MACF1: variants seen among roughly 807,000 people sequenced by gnomAD.
MACF1 encodes microtubule actin crosslinking factor 1.
A neutral mutation model predicts 854.8 loss-of-function variants in MACF1; 193 were observed. The ratio of observed to expected loss-of-function variants is 0.23; its 90% CI spans 0.20 to 0.25. The LOEUF is 0.25. Among genes scored for constraint, MACF1 ranks in the 10% least tolerant of loss-of-function variants. MACF1 has a pLI of 1.00. For missense variants in MACF1, 7,722 were observed against 8,929.1 expected (o/e 0.86, Z 5.45); for synonymous variants, 3,185 against 3,226.7 (o/e 0.99, Z 0.44).
Position 39,381,942 on chromosome 1 carries a change from C to G in MACF1, c.13649-11C>G, listed in dbSNP as rs771991699. 3 of 1,607,172 alleles carry G rather than the reference C, an allele frequency of 1.9e-6. No homozygotes were observed. Among genetic ancestry groups the G allele is most frequent in the South Asian group, 2.2e-5 (2 of 90,934 alleles). ...TGTAAAGGAATACATTCCCTCATTT[C>G]CTCTCTACAGATTCCCGATGGGAAA... On this transcript the variant is annotated splice_polypyrimidine_tract_variant and intron_variant, in intron 55 of 100. Coordinates refer to ENST00000564288, the MANE Select transcript of MACF1 (RefSeq NM_001394062.1).
At chr1:39,440,640 T>G (rs1045375661) in intron 72 of MACF1, among the ~76,000 whole-genome samples, 1 of 152,200 alleles carries the variant, frequency 6.6e-6, no homozygotes, top group African/African-American at 2.4e-5. Flanking sequence ...TATACTCTAT[T>G]GTCAGCACTT....
chr1:39,148,227 G>A (rs1422429118), intron 2 of MACF1, among the ~76,000 whole-genome samples: 2 of 152,144 alleles, frequency 1.3e-5, no homozygotes, highest in African/African-American at 2.4e-5. Context: ...ACTGCAGGCT[G>A]TACTTTCTTC....
At position 39,173,488 on chromosome 1, in the gene MACF1, A is replaced by G. The variant is rs139585616; in HGVS notation, c.221-57694A>G. Among the ~76,000 whole-genome samples, 520 of 152,358 alleles carry G rather than the reference A, an allele frequency of 3.4e-3. 1 individual carries two copies. Among genetic ancestry groups the G allele is most frequent in the Middle Eastern group, 6.8e-3 (2 of 294 alleles). On this transcript the variant is annotated intron_variant, in intron 2 of 93. Transcript: ENST00000361689. ...AGTTCAGGGTTTAGGCCTGATTTCT[A>G]TCCTCTTCCACCTACCACTTGTTGC...
chr1:39,465,372 G>T (rs1156396801), intron 95 of MACF1, among the ~76,000 whole-genome samples: 1 of 152,208 alleles, frequency 6.6e-6, no homozygotes, highest in African/African-American at 2.4e-5. Flanking sequence ...ACACTTCTAA[G>T]AAGAGCCTGG....
intron 2 of MACF1, among the ~76,000 whole-genome samples, chr1:39,152,805 A>G (rs1643609752): frequency 6.6e-6 from 1 of 152,132 alleles, no homozygotes; most frequent in South Asian, 2.1e-4. Flanking sequence ...ACTCAAAAGC[A>G]ACAAAAGAAT....
intron 54 of MACF1, among the ~76,000 whole-genome samples, chr1:39,379,778 T>C (rs1366671190): frequency 6.6e-6 from 1 of 152,234 alleles, no homozygotes; most frequent in Non-Finnish European, 1.5e-5. Flanking sequence ...TATCAAAGTA[T>C]CTTTCCAATT....
intron 58 of MACF1, among the ~76,000 whole-genome samples, chr1:39,417,818 TC>T (rs1557643563): frequency 7.0e-6 from 1 of 143,604 alleles, no homozygotes; most frequent in East Asian, 2.1e-4. Context: ...CCTCAGGTGA[TC>T]CGCCTGCCTC....
rs141428533 is a variant in MACF1 at position 39,095,098 on chromosome 1, A to C, written c.220+10660A>C. Among the ~76,000 whole-genome samples the C allele has an allele frequency of 4.3e-3, 654 of 152,276 alleles. 8 individuals carry two copies. Among genetic ancestry groups the C allele is most frequent in the African/African-American group, 0.015 (629 of 41,556 alleles). ...ACTTCCTTGGGTAGGCATGATTGAC[A>C]ACCATGCAGAAATGTGATTGGGCAA... On this transcript the variant is annotated intron_variant, in intron 2 of 93. Coordinates refer to the MACF1 transcript ENST00000361689.
intron 2 of MACF1, among the ~76,000 whole-genome samples, chr1:39,190,366 C>T (rs1297372190): frequency 2.1e-4 from 17 of 79,822 alleles, no homozygotes; most frequent in South Asian, 9.4e-4. Context: ...TCTTTCTCTT[C>T]TTTTGTGTGT....
Position 39,148,749 on chromosome 1 carries a change from A to G in MACF1, c.220+64311A>G, listed in dbSNP as rs58687994. Among the ~76,000 whole-genome samples the G allele has an allele frequency of 4.1e-3, 627 of 152,346 alleles. 4 individuals are homozygous for G. The highest frequency in any genetic ancestry group is 0.014 in the African/African-American group (565 of 41,576). ...TTTGGTGTTATGAACAATGAGATCA[A>G]TATACTTACATGTATATATTTGCAC... On this transcript the variant is annotated intron_variant, in intron 2 of 93. Coordinates refer to the MACF1 transcript ENST00000361689.
chr1:39,259,909 G>C (rs1243662625), intron 6 of MACF1, among the ~76,000 whole-genome samples: 1 of 152,090 alleles, frequency 6.6e-6, no homozygotes, highest in African/African-American at 2.4e-5. Flanking sequence ...GAGCCACCGT[G>C]CCCGGCCAGA....
At chr1:39,208,132 C>CAA (rs1192716249) in intron 1 of MACF1, among the ~76,000 whole-genome samples, 9 of 80,542 alleles carry the variant, frequency 1.1e-4, no homozygotes, top group African/African-American at 3.7e-4. Context: ...GAGTCCGTCT[C>CAA]AAAAAAAAAA....
intron 58 of MACF1, among the ~76,000 whole-genome samples, chr1:39,421,227 T>C (rs1643525585): frequency 6.6e-6 from 1 of 152,198 alleles, no homozygotes; most frequent in Non-Finnish European, 1.5e-5. Flanking sequence ...CTTTTAGACA[T>C]GTCTAAATCG....
At chr1:39,472,924 G>A (rs1433088461) in intron 97 of MACF1, among the ~76,000 whole-genome samples, 3 of 152,218 alleles carry the variant, frequency 2.0e-5, no homozygotes, top group Non-Finnish European at 4.4e-5. Context: ...GCTAACCACT[G>A]TTTACAGTCT....
rs1335378417 is a variant in MACF1, at chr1:39,477,070, TATATATATATATATATATATACACAC to T, written c.21959-2726_21959-2701del. Among the ~76,000 whole-genome samples the T allele has an allele frequency of 1.1e-3, 49 of 43,200 alleles. 1 individual carries two copies. The highest frequency in any genetic ancestry group is 6.8e-3 in the African/African-American group (47 of 6,924). The allele number at this position is 43,200 out of a possible 152,430, so 28.3% of individuals were successfully genotyped here. A position where few individuals can be genotyped will look rare whatever the true frequency, so the allele number is the denominator to read the frequency against. On this transcript the variant is annotated intron_variant, in intron 97 of 100. Coordinates refer to ENST00000564288, the MANE Select transcript of MACF1 (RefSeq NM_001394062.1). ...GTATATATATATATATATATATATA[TATATATATATATATATATATACACAC>T]ACACACATATATACACTTAGTGTAT...
intron 58 of MACF1, chr1:39,412,898 T>C: frequency 6.2e-7 from 1 of 1,608,836 alleles, no homozygotes. Context: ...TTAGTGCCCT[T>C]TCCACATGAG....
intron 15 of MACF1, among the ~76,000 whole-genome samples, chr1:39,290,824 C>T (rs568051522): frequency 2.0e-4 from 31 of 151,482 alleles, no homozygotes; most frequent in Admixed American, 1.2e-3. Flanking sequence ...TGCGCCACCA[C>T]GCCCAGCTAA....
chr1:39,440,809 A>G (rs1324439586), intron 72 of MACF1, among the ~76,000 whole-genome samples, 194 bp from the exon 73 acceptor site: 1 of 152,168 alleles, frequency 6.6e-6, no homozygotes, highest in Non-Finnish European at 1.5e-5. Context: ...ATATATACAT[A>G]TACCTATATG....
chr1:39,241,195 A>G (rs907701375), intron 2 of MACF1, among the ~76,000 whole-genome samples: 4 of 152,142 alleles, frequency 2.6e-5, no homozygotes, highest in Non-Finnish European at 5.9e-5. Flanking sequence ...CTTTCCCTGT[A>G]TCTTTTAATA....
Sources: gnomAD v4.1 joint callset for allele counts (sites outside exome capture counted in the v4.1 genomes callset) on GRCh38, gnomAD v4.1.1 for gene constraint, MANE v1.5 for transcripts, NCBI Gene and HGNC (gene_info 2026-07-23, HGNC 2026-07-21) for gene names.